The following ZNF14 variants were observed in gnomAD, a reference collection of about 807,000 sequenced individuals.
ZNF14 encodes the protein gonadotropin inducible transcription repressor-4.
A neutral mutation model predicts 11.3 loss-of-function variants in ZNF14; 9 were observed. That is an observed-to-expected ratio of 0.80 (90% CI 0.48 to 1.39). The LOEUF is 1.39. Among genes scored for constraint, ZNF14 ranks in the 40% most tolerant of loss-of-function variants. The probability of loss-of-function intolerance (pLI) is 0.00; values close to 1 mark genes in which losing one functional copy is unlikely to be tolerated. For missense variants in ZNF14, 711 were observed against 763.9 expected (o/e 0.93, Z 0.82); for synonymous variants, 239 against 245.7 (o/e 0.97, Z 0.25).
At position 19,711,316 on chromosome 19, in the gene ZNF14, G is replaced by C. The variant is rs372653422; in HGVS notation, c.*36C>G. 3 of 1,522,934 alleles carry C rather than the reference G, an allele frequency of 2.0e-6. No homozygotes were observed. In the African/African-American group the frequency reaches 4.2e-5, roughly 21 times the overall value. 94.3% of individuals were successfully genotyped at this position (1,522,934 alleles called of 1,614,324 possible). On this transcript the variant is annotated 3_prime_UTR_variant, in exon 4 of 4. Coordinates refer to ENST00000344099, the MANE Select transcript of ZNF14 (RefSeq NM_021030.3). ...CTCTTTTGTGTATTCAGAAGGAGCT[G>C]GAACAACCGAAGGCTTCAGAATGTT...
chr19:19,715,545 G>T (rs191856233), intron 1 of ZNF14, among the ~76,000 whole-genome samples: 1 of 152,166 alleles, frequency 6.6e-6, no homozygotes, highest in Non-Finnish European at 1.5e-5. Context: ...TTACAGAAGC[G>T]AGAAACAAAG....
chr19:19,730,458 T>C (rs1234892423), intron 1 of ZNF14, among the ~76,000 whole-genome samples: 1 of 152,204 alleles, frequency 6.6e-6, no homozygotes, highest in Non-Finnish European at 1.5e-5. Context: ...ATAAATGACC[T>C]CACAGAATAT....
intron 1 of ZNF14, among the ~76,000 whole-genome samples, chr19:19,714,862 C>A (rs1339238408): frequency 6.6e-6 from 1 of 151,846 alleles, no homozygotes; most frequent in Non-Finnish European, 1.5e-5. Context: ...CAGGTGTGTA[C>A]CATACCTATC....
intron 1 of ZNF14, among the ~76,000 whole-genome samples, chr19:19,732,085 C>T (rs1362409039): frequency 6.6e-6 from 1 of 152,016 alleles, no homozygotes; most frequent in Non-Finnish European, 1.5e-5. Context: ...AAAATGCTTA[C>T]CACTTATATA....
At position 19,712,456 on chromosome 19, in the gene ZNF14, T is replaced by G. The variant is rs1401844809; in HGVS notation, c.825A>C (p.Gly275=). The G allele has an allele frequency of 1.3e-6, 2 of 1,559,400 alleles. No homozygotes were observed. The highest frequency in any genetic ancestry group is 1.8e-6 in the Non-Finnish European group (2 of 1,142,642). ...YFRTHERTHT[G]EKPYKCKECG... is the part of the protein sequence containing the mutation. ...ATTCTTTACATTTGTAGGGTTTTTC[T>G]CCAGTGTGAGTTCTTTCATGAGTTC... Residue 275 remains glycine, a synonymous_variant, in exon 4 of 4, where the codon GGA becomes GGC. Transcript: ENST00000344099.
At chr19:19,716,990 A>G (rs2062379659) in intron 1 of ZNF14, among the ~76,000 whole-genome samples, 1 of 152,132 alleles carries the variant, frequency 6.6e-6, no homozygotes, top group South Asian at 2.1e-4. Context: ...ACACCAATAC[A>G]AGGTGTCTTT....
At chr19:19,716,922 G>A (rs896361142) in intron 1 of ZNF14, among the ~76,000 whole-genome samples, 5 of 152,164 alleles carry the variant, frequency 3.3e-5, no homozygotes, top group African/African-American at 1.2e-4. Flanking sequence ...AAGCCTATGT[G>A]ACCTGGGGGC....
At chr19:19,731,844 G>A (rs1487274987) in intron 1 of ZNF14, among the ~76,000 whole-genome samples, 1 of 152,192 alleles carries the variant, frequency 6.6e-6, no homozygotes, top group Non-Finnish European at 1.5e-5. Flanking sequence ...AAGGCGGGCA[G>A]ATCACAAGGT....
chr19:19,731,736 G>GGT (rs2062424042), intron 1 of ZNF14, among the ~76,000 whole-genome samples: 1 of 151,954 alleles, frequency 6.6e-6, no homozygotes, highest in Non-Finnish European at 1.5e-5. Context: ...GTATCAAAGT[G>GGT]GTGTGTGTCA....
rs1027867134 is a variant in ZNF14 at position 19,720,194 on chromosome 19, A to T, written c.4-5707T>A. Among the ~76,000 whole-genome samples the T allele has an allele frequency of 2.6e-5, 4 of 152,228 alleles. No homozygotes were observed. Among genetic ancestry groups the T allele is most frequent in the Non-Finnish European group, 5.9e-5 (4 of 68,050 alleles). The stretch of plus-strand genomic sequence containing the variant: ...TCCAGCAGGCAGAAAATGAGGAAGG[A>T]CATTGTTGAACTGAACAGTACCATC... On this transcript the variant is annotated intron_variant, in intron 1 of 3. Coordinates refer to ENST00000344099, the MANE Select transcript of ZNF14 (RefSeq NM_021030.3). This position sits in a 1 kb window ranked among gnomAD's most constrained non-coding sequence, Gnocchi z 4.1.
chr19:19,732,535 C>T (rs2062427058), intron 1 of ZNF14, among the ~76,000 whole-genome samples: 1 of 152,216 alleles, frequency 6.6e-6, no homozygotes, highest in Admixed American at 6.5e-5. Context: ...AACCTGACCC[C>T]GGCAGCAAGG....
chr19:19,731,929 G>A (rs1198136188), intron 1 of ZNF14, among the ~76,000 whole-genome samples: 2 of 152,178 alleles, frequency 1.3e-5, no homozygotes, highest in Non-Finnish European at 2.9e-5. Context: ...TTAGCTGGGC[G>A]TGGTGGCGGG....
chr19:19,712,751 G>A lies in ZNF14; in HGVS notation c.530C>T (p.Ala177Val), dbSNP rs1161887250. The A allele has an allele frequency of 6.2e-7, 1 of 1,613,408 alleles. No homozygotes were observed. Among genetic ancestry groups the A allele is most frequent in the Non-Finnish European group, 8.5e-7 (1 of 1,179,840 alleles). The change falls in exon 4 of 4, where the codon GCC becomes GTC. Residue 177 changes from alanine (A) to valine (V), a missense_variant. Transcript: ENST00000344099. ...KPYECKQCGKAFIYYQPFQRH... is the reference protein window; with the variant it reads ...KPYECKQCGKVFIYYQPFQRH... ...TTGAAATGGCTGGTAATATATAAAG[G>A]CTTTCCCACACTGTTTACATTCATA... is the stretch of plus-strand genomic sequence containing the variant.
chr19:19,718,024 A>G (rs2062382404), intron 1 of ZNF14, among the ~76,000 whole-genome samples: 1 of 152,238 alleles, frequency 6.6e-6, no homozygotes, highest in African/African-American at 2.4e-5. Flanking sequence ...ACCCAGTAGG[A>G]TAAACCTAAA....
intron 1 of ZNF14, among the ~76,000 whole-genome samples, chr19:19,717,271 C>T (rs573434598): frequency 1.6e-4 from 24 of 152,054 alleles, no homozygotes; most frequent in Non-Finnish European, 2.9e-4. Flanking sequence ...TTAGCATCAC[C>T]GGTTTAATTA....
intron 1 of ZNF14, among the ~76,000 whole-genome samples, chr19:19,731,301 G>A (rs540319157): frequency 1.3e-5 from 2 of 152,238 alleles, no homozygotes; most frequent in East Asian, 1.9e-4. Context: ...TCAGCCAGGC[G>A]CGGTGGCTCA....
Position 19,712,886 on chromosome 19 carries a change from T to C in ZNF14, c.395A>G (p.Glu132Gly), listed in dbSNP as rs749365669. Reference sequence around the variant, plus strand: ...TGGTTGCTTTTCATATTCCTGATACTCATTTGGTTTCTGTCCAGTGTGAGA... The same window carrying C: ...TGGTTGCTTTTCATATTCCTGATACCCATTTGGTTTCTGTCCAGTGTGAGA... ...MRSHTGQKPN[E>G]YQEYEKQPCK... The change falls in exon 4 of 4, where the codon GAG (glutamate) becomes GGG (glycine). Residue 132 changes from glutamate (E) to glycine (G), a missense_variant. Glu to Gly is a moderately conservative substitution (Grantham distance 98). Coordinates refer to ENST00000344099, the MANE Select transcript of ZNF14 (RefSeq NM_021030.3). 57 of 1,614,054 alleles carry C rather than the reference T, an allele frequency of 3.5e-5. No individual in the cohort carries two copies. The highest frequency in any genetic ancestry group is 4.6e-5 in the Non-Finnish European group (54 of 1,180,016).
At chr19:19,722,131 G>A (rs1455641403) in intron 1 of ZNF14, among the ~76,000 whole-genome samples, 1 of 152,044 alleles carries the variant, frequency 6.6e-6, no homozygotes, top group Non-Finnish European at 1.5e-5. Flanking sequence ...ACACACCACT[G>A]CAGACAAATG....
At chr19:19,726,654 C>T (rs937720576) in intron 1 of ZNF14, among the ~76,000 whole-genome samples, 1 of 133,796 alleles carries the variant, frequency 7.5e-6, no homozygotes, top group African/African-American at 2.8e-5. Flanking sequence ...TTTCTGCTGC[C>T]TTTTGTTCAG....
Sources: gnomAD v4.1 joint callset for allele counts (sites outside exome capture counted in the v4.1 genomes callset) on GRCh38, gnomAD v4.1.1 for gene constraint, Gnocchi (gnomAD v3.1) non-coding constraint, MANE v1.5 for transcripts, NCBI Gene and HGNC (gene_info 2026-07-23, HGNC 2026-07-21) for gene names.